The following CDC42BPA variants were observed in gnomAD, a reference collection of about 807,000 sequenced individuals.
CDC42BPA encodes CDC42 binding protein kinase alpha.
Under a neutral mutation model 223.5 loss-of-function variants are expected in CDC42BPA, and 80 were observed. That is an observed-to-expected ratio of 0.36 (90% CI 0.30 to 0.43). CDC42BPA has a LOEUF of 0.43. CDC42BPA is among the 20% of genes least tolerant of loss of function. The pLI, the probability that CDC42BPA is intolerant of heterozygous loss-of-function variation, is 1.00. For synonymous variants in CDC42BPA, 694 were observed against 718.6 expected (o/e 0.97, Z 0.55); for missense variants, 1,743 against 2,099.9 (o/e 0.83, Z 3.32).
chr1:227,202,846 C>CA (rs1397984425), intron 3 of CDC42BPA, among the ~76,000 whole-genome samples: 1 of 151,714 alleles, frequency 6.6e-6, no homozygotes, highest in East Asian at 1.9e-4. Flanking sequence ...AGAAAGATCA[C>CA]ATGAGCCTAG....
chr1:227,244,504 C>G (rs1366989485), intron 2 of CDC42BPA, among the ~76,000 whole-genome samples: 3 of 139,404 alleles, frequency 2.2e-5, no homozygotes, highest in Non-Finnish European at 3.1e-5. Flanking sequence ...TGGGGGGGGG[C>G]AATGGGAGCC....
chr1:227,157,363 GA>G (rs1663006261), intron 6 of CDC42BPA, among the ~76,000 whole-genome samples: 1 of 152,012 alleles, frequency 6.6e-6, no homozygotes, highest in Non-Finnish European at 1.5e-5. Flanking sequence ...ATTTTTGAGG[GA>G]TATTTTTCTT....
At chr1:227,247,971 CAG>C (rs373838259) in intron 2 of CDC42BPA, among the ~76,000 whole-genome samples, 21 of 152,046 alleles carry the variant, frequency 1.4e-4, no homozygotes, top group Middle Eastern at 3.4e-3. Context: ...AAGAATGTAT[CAG>C]AGTCTCTTAA....
chr1:227,034,229 C>A (rs1381460353), intron 26 of CDC42BPA, among the ~76,000 whole-genome samples: 1 of 152,162 alleles, frequency 6.6e-6, no homozygotes, highest in African/African-American at 2.4e-5. Flanking sequence ...CAGGAAGAAT[C>A]TGAAAAATGA....
At chr1:227,108,231 G>A (rs1288003928) in intron 14 of CDC42BPA, among the ~76,000 whole-genome samples, 2 of 152,040 alleles carry the variant, frequency 1.3e-5, no homozygotes, top group African/African-American at 2.4e-5. Context: ...TTTTAATACA[G>A]GCATTTATAG....
chr1:227,164,048 G>T (rs1421097806), intron 5 of CDC42BPA, among the ~76,000 whole-genome samples: 1 of 152,056 alleles, frequency 6.6e-6, no homozygotes, highest in East Asian at 1.9e-4. Context: ...AAATATTACT[G>T]TATTACTCTA....
chr1:227,140,407 C>G (rs1357493269), intron 9 of CDC42BPA, among the ~76,000 whole-genome samples: 1 of 151,978 alleles, frequency 6.6e-6, no homozygotes, highest in Admixed American at 6.6e-5. Context: ...GGAAAGCTGT[C>G]ACTGCTAAAG....
intron 22 of CDC42BPA, 59 bp downstream of exon 22, chr1:227,051,822 A>C (rs1673576298): frequency 1.0e-6 from 1 of 969,254 alleles, no homozygotes; most frequent in East Asian, 5.0e-5. Flanking sequence ...GTTTTATTCA[A>C]TTCCCTCTTT....
intron 34 of CDC42BPA, among the ~76,000 whole-genome samples, chr1:227,013,612 A>G (rs1665639683): frequency 6.6e-6 from 1 of 152,116 alleles, no homozygotes; most frequent in Non-Finnish European, 1.5e-5. Flanking sequence ...TCTGTTAAAC[A>G]CTGTAGTATG....
At chr1:227,241,276 T>C (rs1679970094) in intron 2 of CDC42BPA, among the ~76,000 whole-genome samples, 1 of 152,138 alleles carries the variant, frequency 6.6e-6, no homozygotes, top group South Asian at 2.1e-4. Context: ...CAACTGGAAG[T>C]AGTATGCCAG....
At chr1:227,157,505 C>T (rs1426981119) in intron 6 of CDC42BPA, among the ~76,000 whole-genome samples, 3 of 152,172 alleles carry the variant, frequency 2.0e-5, no homozygotes, top group Non-Finnish European at 4.4e-5. Context: ...CTTCTGGCTG[C>T]TTTTAAATGT....
At chr1:227,237,809 G>A (rs923505408) in intron 2 of CDC42BPA, among the ~76,000 whole-genome samples, 23 of 135,334 alleles carry the variant, frequency 1.7e-4, no homozygotes, top group African/African-American at 6.4e-4. Flanking sequence ...GGGAGGCCGA[G>A]GCGGGCGGAT....
intron 5 of CDC42BPA, 56 bp from the exon 6 acceptor site, chr1:227,160,692 G>T: frequency 6.3e-6 from 6 of 951,532 alleles, no homozygotes; most frequent in Non-Finnish European, 9.8e-6. Flanking sequence ...TCATTGTTTG[G>T]TAAGATATTC....
intron 3 of CDC42BPA, among the ~76,000 whole-genome samples, chr1:227,208,547 G>A (rs1673252131): frequency 6.7e-6 from 1 of 149,486 alleles, no homozygotes; most frequent in East Asian, 2.0e-4. Context: ...GTGTAAGGAA[G>A]GGATCCAGTT....
At chr1:227,289,808 C>T (rs1689394273) in intron 1 of CDC42BPA, among the ~76,000 whole-genome samples, 1 of 148,814 alleles carries the variant, frequency 6.7e-6, no homozygotes, top group Non-Finnish European at 1.5e-5. Flanking sequence ...AAAAGAAATA[C>T]ATGGGATGCC....
chr1:227,145,727 T>C lies in CDC42BPA; in HGVS notation c.905A>G (p.Gln302Arg), dbSNP rs1490056131. 6.2e-7 allele frequency: 1 copy of C among 1,613,078 alleles called. No homozygotes were observed. The highest frequency in any genetic ancestry group is 2.2e-5 in the East Asian group (1 of 44,796). The change falls in exon 8 of 37, where the codon CAG (glutamine) becomes CGG (arginine). Residue 302 changes from glutamine (Q) to arginine (R), a missense_variant. This residue lies in a region of CDC42BPA where 321 missense variants were observed against 488.7 expected (regional missense o/e 0.66). Transcript: ENST00000366766. ...CACATCAGTCACTTGGGCTGGAAACTGAAACCTCTCCTAAACAGAGAAAAA... is the reference window on the plus strand; with the variant it reads ...CACATCAGTCACTTGGGCTGGAAACCGAAACCTCTCCTAAACAGAGAAAAA... ...GKIMNHKERF[Q>R]FPAQVTDVSE... is the part of the protein sequence containing the mutation.
chr1:227,303,150 G>A (rs1334944321), intron 1 of CDC42BPA, among the ~76,000 whole-genome samples: 2 of 151,886 alleles, frequency 1.3e-5, no homozygotes, highest in African/African-American at 2.4e-5. Flanking sequence ...ATTTAATTAC[G>A]AGAACTAAAA....
chr1:227,091,712 G>A (rs1403174055), intron 16 of CDC42BPA, among the ~76,000 whole-genome samples, 174 bp downstream of exon 16: 1 of 152,158 alleles, frequency 6.6e-6, no homozygotes, highest in African/African-American at 2.4e-5. Context: ...CTCTTCAGAA[G>A]ACTCCTATCA....
intron 23 of CDC42BPA, among the ~76,000 whole-genome samples, chr1:227,041,382 A>C (rs535025289): frequency 7.9e-5 from 12 of 151,900 alleles, no homozygotes; most frequent in Non-Finnish European, 1.0e-4. Flanking sequence ...GAATTTTGCT[A>C]TTTTTTTCTC....
Sources: allele counts gnomAD v4.1 joint callset (sites outside exome capture counted in the v4.1 genomes callset), GRCh38; gene constraint gnomAD v4.1.1; regional missense constraint gnomAD v4.1.1; transcripts MANE v1.5; gene names NCBI Gene and HGNC (gene_info 2026-07-23, HGNC 2026-07-21).